Variants in FGF12 observed in about 807,000 individuals in gnomAD.
FGF12 encodes fibroblast growth factor 12B.
In FGF12, 14 loss-of-function variants were observed where a neutral mutation model predicts 23.6. The ratio of observed to expected loss-of-function variants is 0.59; its 90% CI spans 0.39 to 0.93. The LOEUF is 0.93. Among genes scored for constraint, FGF12 ranks in the 40% least tolerant of loss-of-function variants. FGF12 has a pLI of 0.00. For missense variants in FGF12, 175 were observed against 217.8 expected, an observed-to-expected ratio of 0.80 and a Z score of 1.24; for synonymous variants, 62 against 77.3, an observed-to-expected ratio of 0.80 and a Z score of 1.04.
chr3:192,189,027 T>G (rs1422994127), intron 4 of FGF12, among the ~76,000 whole-genome samples: 1 of 152,210 alleles, frequency 6.6e-6, no homozygotes, highest in South Asian at 2.1e-4. Flanking sequence ...TCCCTACACA[T>G]GAGTGTGCTA....
At chr3:192,295,373 T>C (rs548341406) in intron 4 of FGF12, among the ~76,000 whole-genome samples, 1 of 152,310 alleles carries the variant, frequency 6.6e-6, no homozygotes, top group East Asian at 1.9e-4. Flanking sequence ...ACCAATTATA[T>C]ACCAGGAATC....
intron 4 of FGF12, among the ~76,000 whole-genome samples, chr3:192,331,311 C>CAAAAAAAAAAAAAAAAAA (rs201997868): frequency 1.0e-5 from 1 of 95,976 alleles, no homozygotes; most frequent in South Asian, 3.2e-4. Context: ...GGAGTTTTCT[C>CAAAAAAAAAAAAAAAAAA]AAAAAAAAAA....
chr3:192,182,608 C>A (rs1716241109), intron 4 of FGF12, among the ~76,000 whole-genome samples: 1 of 152,032 alleles, frequency 6.6e-6, no homozygotes, highest in South Asian at 2.1e-4. Flanking sequence ...TTTACTTACC[C>A]CATCGTCTAT....
At chr3:192,422,618 A>G (rs549775541) in intron 2 of FGF12, among the ~76,000 whole-genome samples, 1 of 152,188 alleles carries the variant, frequency 6.6e-6, no homozygotes, top group African/African-American at 2.4e-5. Context: ...TCAAGTGCTT[A>G]TCATTTACCA....
At chr3:192,687,202 A>G (rs1184047079) in intron 2 of FGF12, among the ~76,000 whole-genome samples, 1 of 151,364 alleles carries the variant, frequency 6.6e-6, no homozygotes, top group Non-Finnish European at 1.5e-5. Flanking sequence ...TGAGACAAAT[A>G]TTTGCCTTGG....
intron 4 of FGF12, among the ~76,000 whole-genome samples, chr3:192,275,690 C>CT (rs1162137336): frequency 6.6e-6 from 1 of 152,044 alleles, no homozygotes; most frequent in East Asian, 1.9e-4. Flanking sequence ...GTAAGATATC[C>CT]TTTTTAGTTA....
intron 2 of FGF12, chr3:192,726,952 A>G: frequency 1.7e-6 from 1 of 576,498 alleles, no homozygotes. Context: ...AACTCATCAC[A>G]GTTCACTACG....
chr3:192,711,371 G>A (rs1026931906), intron 2 of FGF12, among the ~76,000 whole-genome samples: 2 of 152,170 alleles, frequency 1.3e-5, no homozygotes, highest in South Asian at 4.1e-4. Context: ...CGGGAGGTGG[G>A]GGGCGCCTCT....
intron 2 of FGF12, among the ~76,000 whole-genome samples, chr3:192,675,140 T>C (rs943954614): frequency 1.3e-5 from 2 of 152,114 alleles, no homozygotes; most frequent in Non-Finnish European, 2.9e-5. Context: ...AGCAAATCAG[T>C]TGAGTGACTA....
At chr3:192,375,206 T>C (rs7650307) in intron 2 of FGF12, among the ~76,000 whole-genome samples, 25,461 of 152,214 alleles carry the variant, frequency 0.17, 3,138 homozygotes, top group East Asian at 0.33. Flanking sequence ...AATAGATGGC[T>C]ATAATCATTT....
intron 4 of FGF12, among the ~76,000 whole-genome samples, chr3:192,271,370 C>A (rs1314188475): frequency 1.3e-5 from 2 of 152,172 alleles, no homozygotes; most frequent in African/African-American, 2.4e-5. Flanking sequence ...GTACTGTCAA[C>A]CAGAACTATT....
chr3:192,296,820 GA>G (rs1407979254), intron 4 of FGF12, among the ~76,000 whole-genome samples: 3 of 151,912 alleles, frequency 2.0e-5, no homozygotes, highest in Non-Finnish European at 2.9e-5. Context: ...TTAGATTTCA[GA>G]AAAAAACATG....
At chr3:192,179,400 G>A (rs1158508655) in intron 4 of FGF12, among the ~76,000 whole-genome samples, 6 of 152,250 alleles carry the variant, frequency 3.9e-5, no homozygotes, top group African/African-American at 1.2e-4. Context: ...AACCTGTGAC[G>A]TACTGGAAAT....
intron 2 of FGF12, among the ~76,000 whole-genome samples, chr3:192,458,392 A>C (rs937745190): frequency 1.3e-5 from 2 of 152,328 alleles, no homozygotes; most frequent in African/African-American, 4.8e-5. Flanking sequence ...TGTACCCTGC[A>C]AAGTCACAGG....
intron 2 of FGF12, among the ~76,000 whole-genome samples, chr3:192,567,735 CTCTTTCTT>C (rs58243923): frequency 0.12 from 14,649 of 125,906 alleles, 896 homozygotes; most frequent in East Asian, 0.14. Flanking sequence ...CTCCATGTGT[CTCTTTCTT>C]TCTTTCTTTC....
intron 2 of FGF12, among the ~76,000 whole-genome samples, chr3:192,562,795 C>T (rs987257527): frequency 4.6e-4 from 70 of 150,688 alleles, no homozygotes; most frequent in African/African-American, 1.7e-3. Flanking sequence ...AGTGCAGTGG[C>T]GCAATGTTTC....
At chr3:192,688,341 A>C (rs903060361) in intron 2 of FGF12, among the ~76,000 whole-genome samples, 15 of 152,126 alleles carry the variant, frequency 9.9e-5, no homozygotes, top group African/African-American at 2.9e-4. Context: ...CCCAGCATGC[A>C]TCCCTCTATA....
rs922024956 is a variant in FGF12 at position 192,336,810 on chromosome 3, C to A, written c.125-1346G>T. 3.9e-5 allele frequency among the ~76,000 whole-genome samples: 6 copies of A among 152,184 alleles called. No homozygotes were observed. Among genetic ancestry groups the A allele is most frequent in the Non-Finnish European group, 8.8e-5 (6 of 68,026 alleles). Reference sequence around the variant, plus strand: ...AAACACACACACATGCAGACACACACACTCACAGTATTTGGCTTTCAGTCA... The same window carrying A: ...AAACACACACACATGCAGACACACAAACTCACAGTATTTGGCTTTCAGTCA... On this transcript the variant is annotated intron_variant, in intron 3 of 5. Transcript: ENST00000445105. The surrounding 1 kb of genome is among the most constrained non-coding windows in gnomAD (Gnocchi z 4.3).
chr3:192,473,351 A>T (rs1397484028), intron 2 of FGF12, among the ~76,000 whole-genome samples: 1 of 152,184 alleles, frequency 6.6e-6, no homozygotes, highest in East Asian at 1.9e-4. Context: ...AGACCAGATG[A>T]CATTACTTGC....
Sources: allele counts gnomAD v4.1 joint callset (sites outside exome capture counted in the v4.1 genomes callset), GRCh38; gene constraint gnomAD v4.1.1; non-coding constraint Gnocchi (gnomAD v3.1); transcripts MANE v1.5; gene names NCBI Gene and HGNC (gene_info 2026-07-23, HGNC 2026-07-21).